The following CATSPERD variants were observed in gnomAD, a reference collection of about 807,000 sequenced individuals.
CATSPERD encodes the protein cation channel sperm-associated auxiliary subunit delta.
Under a neutral mutation model 98.1 loss-of-function variants are expected in CATSPERD, and 86 were observed. That is an observed-to-expected ratio of 0.88 (90% CI 0.74 to 1.05). The LOEUF is 1.05. Ranked by LOEUF, CATSPERD falls within the 50% of genes least tolerant of loss-of-function variation. CATSPERD has a pLI of 0.00. For missense variants in CATSPERD, 995 were observed against 1,005.7 expected (o/e 0.99, Z 0.14); for synonymous variants, 394 against 390.2 (o/e 1.01, Z -0.12).
intron 20 of CATSPERD, among the ~76,000 whole-genome samples, chr19:5,773,263 T>G (rs1021449629): frequency 6.6e-6 from 1 of 152,078 alleles, no homozygotes; most frequent in African/African-American, 2.4e-5. Context: ...CACTTGAGCC[T>G]GGGAGGCAGA....
At position 5,772,814 on chromosome 19, in the gene CATSPERD, T is replaced by A; in HGVS notation, c.1790T>A (p.Val597Asp). Residue 597 changes from valine to aspartate, a missense_variant, in exon 20 of 22, where the codon GTC becomes GAC. Transcript: ENST00000381624. ...ELWRKDSFQE[V>D]IDAEYVLLEV... The stretch of plus-strand genomic sequence containing the variant: ...TGGCGAAAAGACAGTTTCCAGGAGG[T>A]CATCGACGCCGAGTATGTGTTACTG... 1.2e-6 allele frequency: 2 copies of A among 1,613,520 alleles called. No individual in the cohort carries two copies. Among genetic ancestry groups the A allele is most frequent in the Non-Finnish European group, 1.7e-6 (2 of 1,179,790 alleles).
In CATSPERD at chr19:5,751,706, T is replaced by G; in HGVS notation, c.1047T>G (p.Thr349=). Residue 349 remains threonine, a synonymous_variant, in exon 12 of 22, where the codon ACT becomes ACG. Transcript: ENST00000381624. The stretch of plus-strand genomic sequence containing the variant: ...CCCTGATGTTCAGGAGCCCAGGGAC[T>G]CTGGAAATACTGACCCCACTGCGTG... ...DVALMFRSPG[T]LEILTPLRDT... 1 of 1,613,820 alleles carries G rather than the reference T, an allele frequency of 6.2e-7. No individual in the cohort carries two copies. Among genetic ancestry groups the G allele is most frequent in the Non-Finnish European group, 8.5e-7 (1 of 1,179,868 alleles).
chr19:5,727,283 C>T lies in CATSPERD; in HGVS notation c.142C>T (p.His48Tyr), dbSNP rs1481590494. 2 of 1,613,236 alleles carry T rather than the reference C, an allele frequency of 1.2e-6. No homozygotes were observed. The highest frequency in any genetic ancestry group is 3.3e-5 in the Admixed American group (2 of 60,004). Reference protein sequence around the residue: ...QDVQGDRLYFHPTTTRLIKHP... With the variant: ...QDVQGDRLYFYPTTTRLIKHP... Reference sequence around the variant, plus strand: ...ATCTCTCTAGGACCGCCTGTATTTTCATCCTACAACAACACGCTTGATTAA... The same window carrying T: ...ATCTCTCTAGGACCGCCTGTATTTTTATCCTACAACAACACGCTTGATTAA... Residue 48 changes from histidine (H) to tyrosine (Y), a missense_variant, in exon 3 of 22, where the codon CAT (histidine) becomes TAT (tyrosine). Physicochemically the swap from His to Tyr is moderately conservative, Grantham distance 83. Coordinates refer to ENST00000381624, the MANE Select transcript of CATSPERD (RefSeq NM_152784.4).
At chr19:5,766,852 C>G (rs988631828) in intron 17 of CATSPERD, among the ~76,000 whole-genome samples, 2 of 151,654 alleles carry the variant, frequency 1.3e-5, no homozygotes, top group Admixed American at 1.3e-4. Flanking sequence ...GCTACCATGC[C>G]TGGCTAATTT....
At chr19:5,724,191 G>T (rs916433761) in intron 1 of CATSPERD, among the ~76,000 whole-genome samples, 1 of 151,888 alleles carries the variant, frequency 6.6e-6, no homozygotes, top group Admixed American at 6.6e-5. Flanking sequence ...CTCCCAAAGC[G>T]CTGGGATTAC....
At chr19:5,769,471 C>T (rs1262176230) in intron 18 of CATSPERD, among the ~76,000 whole-genome samples, 2 of 151,936 alleles carry the variant, frequency 1.3e-5, no homozygotes, top group African/African-American at 4.8e-5. Flanking sequence ...GCTCCCACTC[C>T]AACACTAGGG....
intron 7 of CATSPERD, among the ~76,000 whole-genome samples, chr19:5,743,678 C>T (rs2056038047): frequency 8.5e-6 from 1 of 117,680 alleles, no homozygotes; most frequent in East Asian, 2.0e-4. Flanking sequence ...CTCTCTCTCT[C>T]TCTTCCTCTC....
intron 7 of CATSPERD, among the ~76,000 whole-genome samples, chr19:5,741,423 A>T (rs1333594044): frequency 6.6e-6 from 1 of 152,086 alleles, no homozygotes; most frequent in Non-Finnish European, 1.5e-5. Flanking sequence ...GAAGGCTGCA[A>T]TCTGCTCCCA....
intron 5 of CATSPERD, among the ~76,000 whole-genome samples, chr19:5,734,363 G>A (rs1252789162): frequency 6.6e-6 from 1 of 152,202 alleles, no homozygotes; most frequent in Non-Finnish European, 1.5e-5. Flanking sequence ...ATTAGGCTGA[G>A]TGCCGTGGCT....
chr19:5,735,404 G>A (rs1021373411), intron 5 of CATSPERD, among the ~76,000 whole-genome samples: 7 of 152,084 alleles, frequency 4.6e-5, no homozygotes, highest in South Asian at 2.1e-4. Flanking sequence ...TCTGCCTCTC[G>A]GGTTCAAGCG....
intron 4 of CATSPERD, among the ~76,000 whole-genome samples, chr19:5,731,021 G>A (rs568957495): frequency 7.8e-4 from 118 of 151,434 alleles, no homozygotes; most frequent in Admixed American, 1.5e-3. Context: ...GAACCCAGGA[G>A]GCGGAGCTTG....
intron 2 of CATSPERD, 61 bp from the exon 3 acceptor site, chr19:5,727,207 T>A (rs140114299): frequency 3.5e-5 from 46 of 1,328,224 alleles, no homozygotes; most frequent in East Asian, 2.1e-4. Flanking sequence ...AAAAAAAAAA[T>A]TATTTCTATC....
intron 17 of CATSPERD, among the ~76,000 whole-genome samples, chr19:5,767,589 G>A (rs2056565523): frequency 6.6e-6 from 1 of 150,872 alleles, no homozygotes; most frequent in Non-Finnish European, 1.5e-5. Flanking sequence ...CCTGGTTCAT[G>A]CCATTCTCCT....
At chr19:5,777,472 G>A (rs980701171) in intron 21 of CATSPERD, among the ~76,000 whole-genome samples, 2 of 152,162 alleles carry the variant, frequency 1.3e-5, no homozygotes, top group Non-Finnish European at 2.9e-5. Flanking sequence ...AGTTGTTGAT[G>A]GACCATTTAG....
In CATSPERD at chr19:5,737,196, GT is replaced by G; in HGVS notation, c.454del (p.Cys152ValfsTer47). The G allele has an allele frequency of 6.2e-7, 1 of 1,604,446 alleles. No homozygotes were observed. Among genetic ancestry groups the G allele is most frequent in the Non-Finnish European group, 8.5e-7 (1 of 1,171,556 alleles). On this transcript the variant is annotated frameshift_variant, in exon 6 of 22. Transcript: ENST00000381624. LOFTEE classifies it high-confidence loss of function. ...GDNCCYTGSL[F>X]CVHVSNLVFA... is the part of the protein sequence containing the mutation. The stretch of plus-strand genomic sequence containing the variant: ...ATAATTGTTGTTATACTGGAAGTTT[GT>G]TTTGTGTGGTAAGTATAAGTGTATA...
At chr19:5,773,498 G>A (rs1464549071) in intron 20 of CATSPERD, among the ~76,000 whole-genome samples, 2 of 152,022 alleles carry the variant, frequency 1.3e-5, no homozygotes, top group African/African-American at 2.4e-5. Flanking sequence ...TGGAATTCCC[G>A]GGCTGTCTTA....
chr19:5,726,637 C>T (rs529478118), intron 2 of CATSPERD, among the ~76,000 whole-genome samples: 1 of 152,052 alleles, frequency 6.6e-6, no homozygotes, highest in Non-Finnish European at 1.5e-5. Flanking sequence ...CTGCCTCAGC[C>T]TCCCAAAGTG....
chr19:5,772,939 G>A lies in CATSPERD; in HGVS notation c.1915G>A (p.Gly639Arg), dbSNP rs61180947. Residue 639 changes from glycine (G) to arginine (R), a missense_variant, in exon 20 of 22, where the codon GGG (glycine) becomes AGG (arginine). Gly to Arg is a moderately radical substitution (Grantham distance 125). Coordinates refer to ENST00000381624, the MANE Select transcript of CATSPERD (RefSeq NM_152784.4). ...QNWTTMIKEF[G>R]GPFFWNRENY... ...CTGGACCACCATGATAAAGGAATTC[G>A]GGGGGCCCTTCTTCTGGAACAGAGA... 395,600 of 1,613,558 alleles carry A rather than the reference G, an allele frequency of 0.25. 53,533 individuals are homozygous for A. The highest frequency in any genetic ancestry group is 0.43 in the Admixed American group (25,672 of 59,886).
At chr19:5,755,740 T>C (rs2056312789) in intron 13 of CATSPERD, among the ~76,000 whole-genome samples, 1 of 151,834 alleles carries the variant, frequency 6.6e-6, no homozygotes, top group South Asian at 2.1e-4. Flanking sequence ...GCCATTGCAC[T>C]CCAGCCTGGG....
Sources: allele counts gnomAD v4.1 joint callset (sites outside exome capture counted in the v4.1 genomes callset), GRCh38; gene constraint gnomAD v4.1.1; transcripts MANE v1.5; gene names NCBI Gene and HGNC (gene_info 2026-07-23, HGNC 2026-07-21).